The following MYRIP variants were observed in gnomAD, a reference collection of about 807,000 sequenced individuals.
MYRIP encodes the protein myosin VIIA and Rab interacting protein, also known as rab effector MyRIP.
In MYRIP, 49 loss-of-function variants were observed where a neutral mutation model predicts 98.0. The observed-to-expected ratio is 0.50, with a 90% CI of 0.40 to 0.63. The LOEUF (loss-of-function observed/expected upper bound fraction) is 0.63. Ranked by LOEUF, MYRIP falls within the 30% of genes least tolerant of loss-of-function variation. MYRIP has a pLI of 0.00. For synonymous variants in MYRIP, 404 were observed against 409.5 expected, an observed-to-expected ratio of 0.99 and a Z score of 0.16; for missense variants, 1,004 against 1,058.2, an observed-to-expected ratio of 0.95 and a Z score of 0.71.
chr3:39,850,599 C>T (rs1942101857), intron 1 of MYRIP, among the ~76,000 whole-genome samples: 1 of 152,142 alleles, frequency 6.6e-6, no homozygotes, highest in African/African-American at 2.4e-5. Context: ...GTCTTAATCC[C>T]TTTATTTTGA....
chr3:39,928,398 C>G lies in MYRIP; in HGVS notation c.110+27472C>G, dbSNP rs142064170. Among the ~76,000 whole-genome samples the G allele has an allele frequency of 6.4e-3, 963 of 151,298 alleles. 4 individuals carry two copies. Among genetic ancestry groups the G allele is most frequent in the African/African-American group, 0.021 (872 of 41,352 alleles). ...AAGATAAAGGGAGAAAATTACAAATCAATATACCTCCTGCATATAGATGCA... is the reference window on the plus strand; with the variant it reads ...AAGATAAAGGGAGAAAATTACAAATGAATATACCTCCTGCATATAGATGCA... On this transcript the variant is annotated intron_variant, in intron 2 of 16. Transcript: ENST00000302541.
At chr3:40,034,601 A>C (rs565060036) in intron 2 of MYRIP, among the ~76,000 whole-genome samples, 2,584 of 150,180 alleles carry the variant, frequency 0.017, 113 homozygotes, top group African/African-American at 0.059. Context: ...GTGGAGAAAT[A>C]GGAACACTTT....
chr3:40,109,919 A>G (rs1179742802), intron 3 of MYRIP, among the ~76,000 whole-genome samples: 1 of 152,258 alleles, frequency 6.6e-6, no homozygotes, highest in East Asian at 1.9e-4. Context: ...TGTCTTAGCT[A>G]TGTCCTCAAT....
intron 3 of MYRIP, among the ~76,000 whole-genome samples, chr3:40,142,242 G>A (rs1440204928): frequency 4.6e-5 from 7 of 151,640 alleles, no homozygotes; most frequent in African/African-American, 9.7e-5. Flanking sequence ...TAGTAGAGAC[G>A]GGGTTTTACC....
At chr3:40,243,633 G>C (rs924940755) in intron 12 of MYRIP, among the ~76,000 whole-genome samples, 1 of 152,064 alleles carries the variant, frequency 6.6e-6, no homozygotes, top group Non-Finnish European at 1.5e-5. Context: ...CATTTCTTAT[G>C]TTGTTGGTTG....
rs1440036971 is a variant in MYRIP, at chr3:40,209,959, G to A, written c.1771G>A (p.Ala591Thr). The A allele has an allele frequency of 5.0e-6, 8 of 1,614,100 alleles. No homozygotes were observed. Among genetic ancestry groups the A allele is most frequent in the Non-Finnish European group, 6.8e-6 (8 of 1,179,960 alleles). The change falls in exon 11 of 17, where the codon GCA (alanine) becomes ACA (threonine). Residue 591 changes from alanine to threonine, a missense_variant. By Grantham distance (58) the Ala-to-Thr change is moderately conservative. Transcript: ENST00000302541. ...EKRRNRLYEL[A>T]MKMSEKETSS... ...ACGGAGAAACAGGCTGTACGAGTTA[G>A]CAATGAAAATGAGTGAAAAGGAGAC...
chr3:40,183,991 C>A (rs886136457), intron 9 of MYRIP, among the ~76,000 whole-genome samples: 2 of 152,164 alleles, frequency 1.3e-5, no homozygotes, highest in African/African-American at 4.8e-5. Context: ...TTTATATTAA[C>A]CTTTTAGTAC....
At chr3:40,257,202 T>A (rs1253435820) in intron 16 of MYRIP, among the ~76,000 whole-genome samples, 1 of 152,146 alleles carries the variant, frequency 6.6e-6, no homozygotes, top group Non-Finnish European at 1.5e-5. Context: ...CATATGCCTG[T>A]AGTCCCAGCT....
chr3:39,991,429 G>A (rs986199755), intron 2 of MYRIP, among the ~76,000 whole-genome samples: 6 of 152,370 alleles, frequency 3.9e-5, no homozygotes, highest in Middle Eastern at 3.4e-3. Flanking sequence ...ACTCAGAAGT[G>A]TTTTTGTGTG....
At chr3:39,974,860 T>G (rs1255090301) in intron 2 of MYRIP, among the ~76,000 whole-genome samples, 2 of 152,168 alleles carry the variant, frequency 1.3e-5, no homozygotes, top group Non-Finnish European at 2.9e-5. Context: ...CCCTTCATGC[T>G]AAAAACTCTC....
intron 12 of MYRIP, among the ~76,000 whole-genome samples, chr3:40,235,316 C>T (rs759344644): frequency 5.3e-5 from 8 of 152,150 alleles, no homozygotes; most frequent in Non-Finnish European, 1.2e-4. Context: ...TTTAAAATTA[C>T]ATTTCTTCTT....
At chr3:40,031,111 G>C (rs1947251341) in intron 2 of MYRIP, among the ~76,000 whole-genome samples, 1 of 152,054 alleles carries the variant, frequency 6.6e-6, no homozygotes, top group South Asian at 2.1e-4. Context: ...ATTTCTCACA[G>C]TTTTGGAGAC....
At chr3:39,909,264 T>C (rs1943958871) in intron 2 of MYRIP, among the ~76,000 whole-genome samples, 1 of 152,212 alleles carries the variant, frequency 6.6e-6, no homozygotes, top group Non-Finnish European at 1.5e-5. Context: ...AGAAGGTATC[T>C]CACAAGATTA....
intron 1 of MYRIP, among the ~76,000 whole-genome samples, chr3:39,895,532 T>G (rs1017756766): frequency 6.7e-6 from 1 of 148,660 alleles, no homozygotes; most frequent in Non-Finnish European, 1.5e-5. Flanking sequence ...TATTTTTTTT[T>G]CGCTATGTGA....
chr3:39,809,290 C>T (rs1465129990), upstream of MYRIP, among the ~76,000 whole-genome samples: 6 of 151,844 alleles, frequency 4.0e-5, no homozygotes, highest in East Asian at 1.2e-3. Flanking sequence ...GGCTCCCGAA[C>T]CGCGGCCCCA....
rs572720265 is a variant in MYRIP, at chr3:39,840,362, T to A, written c.-31+30446T>A. 2.6e-5 allele frequency among the ~76,000 whole-genome samples: 4 copies of A among 152,346 alleles called. No homozygotes were observed. In the South Asian group the frequency reaches 8.3e-4, roughly 32 times the overall value. ...CTTCCCTTTATTTTGAGCCTGTGTG[T>A]GTCTTTGCACATGAGATGGGTCTGC... On this transcript the variant is annotated intron_variant, in intron 1 of 16. Transcript: ENST00000302541.
intron 3 of MYRIP, among the ~76,000 whole-genome samples, chr3:40,088,110 A>G (rs1439022037): frequency 6.6e-6 from 1 of 152,158 alleles, no homozygotes; most frequent in Admixed American, 6.5e-5. Flanking sequence ...GGAGCCAATA[A>G]GCAGTGATGC....
At chr3:40,085,010 G>A (rs55667831) in intron 3 of MYRIP, among the ~76,000 whole-genome samples, 25 of 150,010 alleles carry the variant, frequency 1.7e-4, no homozygotes, top group African/African-American at 4.4e-4. Flanking sequence ...GTTATATATC[G>A]ATAGATAATA....
At chr3:40,199,027 A>C (rs1951479469) in intron 10 of MYRIP, among the ~76,000 whole-genome samples, 1 of 152,234 alleles carries the variant, frequency 6.6e-6, no homozygotes, top group South Asian at 2.1e-4. Flanking sequence ...GATGGAATGA[A>C]TCTTAGGCAA....
Sources: allele counts gnomAD v4.1 joint callset (sites outside exome capture counted in the v4.1 genomes callset), GRCh38; gene constraint gnomAD v4.1.1; transcripts MANE v1.5; gene names NCBI Gene and HGNC (gene_info 2026-07-23, HGNC 2026-07-21).